TMEM19: variants seen among roughly 807,000 people sequenced by gnomAD.
TMEM19 encodes transmembrane protein 19.
In TMEM19, 21 loss-of-function variants were observed where a neutral mutation model predicts 33.6. That is an observed-to-expected ratio of 0.62 (90% CI 0.44 to 0.90). The LOEUF (loss-of-function observed/expected upper bound fraction) is 0.90. Among genes scored for constraint, TMEM19 ranks in the 40% least tolerant of loss-of-function variants. The pLI is 0.00. For synonymous variants in TMEM19, 149 were observed against 147.5 expected, an observed-to-expected ratio of 1.01 and a Z score of -0.07; for missense variants, 402 against 401.8, an observed-to-expected ratio of 1.00 and a Z score of 0.00.
intron 2 of TMEM19, among the ~76,000 whole-genome samples, chr12:71,692,290 T>G (rs1035373831): frequency 2.0e-5 from 3 of 152,218 alleles, no homozygotes; most frequent in Non-Finnish European, 2.9e-5. Context: ...CTCTCCTACC[T>G]CATTATATAT....
chr12:71,700,302 GT>G (rs1343724483), intron 5 of TMEM19, among the ~76,000 whole-genome samples: 1 of 152,324 alleles, frequency 6.6e-6, no homozygotes, highest in African/African-American at 2.4e-5. Context: ...ATTGCATTGA[GT>G]GGGTTGAAAA....
At chr12:71,691,384 G>C (rs1230113519) in intron 2 of TMEM19, among the ~76,000 whole-genome samples, 1 of 151,998 alleles carries the variant, frequency 6.6e-6, no homozygotes, top group African/African-American at 2.4e-5. Flanking sequence ...AGGCACTGCT[G>C]TTAGCACTTT....
Position 71,704,514 on chromosome 12 carries a change from A to G in TMEM19, c.*3519A>G, listed in dbSNP as rs1330697386. On this transcript the variant is annotated 3_prime_UTR_variant, in exon 6 of 6. Transcript: ENST00000266673. ...ACAATGAGAATGATCTATACTAGCC[A>G]CCAGATCTCAGGTGAATTGTGGTGT... The G allele has an allele frequency of 6.6e-6, 1 of 152,306 alleles. No homozygotes were observed. The highest frequency in any genetic ancestry group is 2.4e-5 in the African/African-American group (1 of 41,462). The allele number at this position is 152,306 out of a possible 1,614,324, so 9.4% of individuals were successfully genotyped here.
At position 71,686,733 on chromosome 12, in the gene TMEM19, ATATAGT is replaced by A. The variant is rs1256469909; in HGVS notation, c.58_63del (p.Val20_Ile21del). The A allele has an allele frequency of 1.2e-6, 2 of 1,605,608 alleles. No individual in the cohort carries two copies. The highest frequency in any genetic ancestry group is 1.7e-6 in the Non-Finnish European group (2 of 1,172,922). On this transcript the variant is annotated inframe_deletion, in exon 1 of 6. Transcript: ENST00000266673. ...AAAAGATATATAAAGATGATAACTA[ATATAGT>A]TATACTGAGCCTGATCATTTGCATT...
At chr12:71,689,312 G>A (rs963419900) in intron 1 of TMEM19, among the ~76,000 whole-genome samples, 3 of 152,194 alleles carry the variant, frequency 2.0e-5, no homozygotes, top group African/African-American at 7.2e-5. Flanking sequence ...AGGACCAATA[G>A]GCTATAGCAT....
intron 2 of TMEM19, among the ~76,000 whole-genome samples, chr12:71,694,783 T>C (rs1881842730): frequency 6.6e-6 from 1 of 152,236 alleles, no homozygotes; most frequent in Admixed American, 6.5e-5. Flanking sequence ...TAAATTATTA[T>C]AGAATATGTA....
chr12:71,694,003 A>G (rs1394702902), intron 2 of TMEM19, among the ~76,000 whole-genome samples: 2 of 152,258 alleles, frequency 1.3e-5, no homozygotes, highest in South Asian at 2.1e-4. Flanking sequence ...GCAGCGTGAC[A>G]GCAGACTAAT....
In TMEM19 at chr12:71,703,136, C is replaced by T. The variant is rs1882009165; in HGVS notation, c.*2141C>T. ...AGGTTGCAGTGAGCCAAGATTGCAC[C>T]ACTGTACTCCAGCCTGGGCAACAGA... On this transcript the variant is annotated 3_prime_UTR_variant, in exon 6 of 6. Coordinates refer to ENST00000266673, the MANE Select transcript of TMEM19 (RefSeq NM_018279.4). 7.7e-6 allele frequency: 1 copy of T among 129,516 alleles called. No individual in the cohort carries two copies. Among genetic ancestry groups the T allele is most frequent in the African/African-American group, 2.9e-5 (1 of 34,134 alleles). The allele number at this position is 129,516 out of a possible 1,614,324, so 8.0% of individuals were successfully genotyped here.
At chr12:71,697,088 T>C (rs937804001) in intron 3 of TMEM19, among the ~76,000 whole-genome samples, 192 bp from the exon 4 acceptor site, 3 of 152,114 alleles carry the variant, frequency 2.0e-5, no homozygotes, top group African/African-American at 7.2e-5. Context: ...AGCACTAGAG[T>C]CTATCATGAT....
intron 5 of TMEM19, 166 bp downstream of exon 5, chr12:71,699,275 G>A: frequency 1.5e-6 from 1 of 683,360 alleles, no homozygotes; most frequent in Non-Finnish European, 2.5e-6. Flanking sequence ...TTATTCTTTT[G>A]TATTAAATTA....
At position 71,704,202 on chromosome 12, in the gene TMEM19, C is replaced by G. The variant is rs778302091; in HGVS notation, c.*3207C>G. The G allele has an allele frequency of 9.3e-6, 2 of 216,036 alleles. No homozygotes were observed. Among genetic ancestry groups the G allele is most frequent in the South Asian group, 1.3e-4 (2 of 15,792 alleles). The allele number at this position is 216,036 out of a possible 1,614,324, so 13.4% of individuals were successfully genotyped here. A position where few individuals can be genotyped will look rare whatever the true frequency, so the allele number is the denominator to read the frequency against. On this transcript the variant is annotated 3_prime_UTR_variant, in exon 6 of 6. Transcript: ENST00000266673. ...CCACCAAGAGACCAAAGAATTGATACAGCAGGTCATTCTATTATTAGCTTT... is the reference window on the plus strand; with the variant it reads ...CCACCAAGAGACCAAAGAATTGATAGAGCAGGTCATTCTATTATTAGCTTT...
Position 71,696,486 on chromosome 12 carries a change from T to C in TMEM19, c.295T>C (p.Ser99Pro). 6.2e-7 allele frequency: 1 copy of C among 1,612,996 alleles called. No homozygotes were observed. The highest frequency in any genetic ancestry group is 8.5e-7 in the Non-Finnish European group (1 of 1,179,340). Residue 99 changes from serine (S) to proline (P), a missense_variant, in exon 3 of 6, where the codon TCT (serine) becomes CCT (proline). Physicochemically the swap from Ser to Pro is moderately conservative, Grantham distance 74. Coordinates refer to ENST00000266673, the MANE Select transcript of TMEM19 (RefSeq NM_018279.4). ...CATTGCAAATTTCAGCTTTTTTACC[T>C]CTTTGCTGATGTTTTTCTTGTCTTC... ...LTIANFSFFT[S>P]LLMFFLSSSK...
At chr12:71,688,785 T>C (rs1471358492) in intron 1 of TMEM19, among the ~76,000 whole-genome samples, 1 of 152,200 alleles carries the variant, frequency 6.6e-6, no homozygotes, top group East Asian at 1.9e-4. Flanking sequence ...AATCTTTAAA[T>C]ATTGACTAAA....
chr12:71,702,741 T>C lies in TMEM19; in HGVS notation c.*1746T>C, dbSNP rs561535445. Reference sequence around the variant, plus strand: ...GCTCTGACTGTACATTGAATCATCATGTAAGGAGTTTTTAAAACATTGTTG... The same window carrying C: ...GCTCTGACTGTACATTGAATCATCACGTAAGGAGTTTTTAAAACATTGTTG... On this transcript the variant is annotated 3_prime_UTR_variant, in exon 6 of 6. Coordinates refer to ENST00000266673, the MANE Select transcript of TMEM19 (RefSeq NM_018279.4). The C allele has an allele frequency of 1.3e-5, 2 of 152,284 alleles. No individual in the cohort carries two copies. Among genetic ancestry groups the C allele is most frequent in the Admixed American group, 6.5e-5 (1 of 15,292 alleles). 9.4% of individuals were successfully genotyped at this position (152,284 alleles called of 1,614,324 possible). A position where few individuals can be genotyped will look rare whatever the true frequency, so the allele number is the denominator to read the frequency against.
chr12:71,687,488 C>T (rs1262387191), intron 1 of TMEM19, among the ~76,000 whole-genome samples: 4 of 151,808 alleles, frequency 2.6e-5, no homozygotes, highest in Non-Finnish European at 2.9e-5. Context: ...ACCCTGGAGG[C>T]GGAGGTTGCA....
Position 71,689,713 on chromosome 12 carries a change from T to C in TMEM19, c.244+9T>C, listed in dbSNP as rs745923039. ...CAGTGGGGCTCTAGGAGGTATGTTTTTATTTTGAATGTTTACAGTAACTAC... is the reference window on the plus strand; with the variant it reads ...CAGTGGGGCTCTAGGAGGTATGTTTCTATTTTGAATGTTTACAGTAACTAC... On this transcript the variant is annotated intron_variant, in intron 2 of 5. Coordinates refer to ENST00000266673, the MANE Select transcript of TMEM19 (RefSeq NM_018279.4). 6.3e-6 allele frequency: 10 copies of C among 1,584,076 alleles called. No individual in the cohort carries two copies. Among genetic ancestry groups the C allele is most frequent in the Non-Finnish European group, 8.7e-6 (10 of 1,155,484 alleles).
chr12:71,689,175 T>A (rs1444296188), intron 1 of TMEM19, among the ~76,000 whole-genome samples: 3 of 152,168 alleles, frequency 2.0e-5, no homozygotes, highest in Non-Finnish European at 2.9e-5. Context: ...AGACCACACA[T>A]ACAACATGTT....
chr12:71,687,339 G>A (rs1167546623), intron 1 of TMEM19, among the ~76,000 whole-genome samples: 2 of 152,174 alleles, frequency 1.3e-5, no homozygotes, highest in Admixed American at 1.3e-4. Context: ...AGCACTTTGG[G>A]AGGCCGAGGC....
At chr12:71,698,552 A>G (rs1008367578) in intron 4 of TMEM19, among the ~76,000 whole-genome samples, 1 of 150,980 alleles carries the variant, frequency 6.6e-6, no homozygotes, top group Non-Finnish European at 1.5e-5. Flanking sequence ...GCAGTAGGCT[A>G]TGATCACACC....
Sources: allele counts gnomAD v4.1 joint callset (sites outside exome capture counted in the v4.1 genomes callset), GRCh38; gene constraint gnomAD v4.1.1; transcripts MANE v1.5; gene names NCBI Gene and HGNC (gene_info 2026-07-23, HGNC 2026-07-21).